SKOR1: variants seen among roughly 807,000 people sequenced by gnomAD.
SKOR1 encodes LBX1 corepressor 1.
In SKOR1, 38 loss-of-function variants were observed where a neutral mutation model predicts 72.4. The observed-to-expected ratio is 0.52, with a 90% CI of 0.40 to 0.69. SKOR1 has a LOEUF of 0.69. SKOR1 is among the 30% of genes least tolerant of loss of function. The pLI is 0.00. For synonymous variants in SKOR1, 642 were observed against 599.4 expected, an observed-to-expected ratio of 1.07 and a Z score of -1.04; for missense variants, 1,320 against 1,343.2, an observed-to-expected ratio of 0.98 and a Z score of 0.27.
In SKOR1 at chr15:67,826,697, C is replaced by T. The variant is rs2090961039; in HGVS notation, c.869C>T (p.Ala290Val). The T allele has an allele frequency of 1.3e-6, 2 of 1,564,098 alleles. No individual in the cohort carries two copies. Among genetic ancestry groups the T allele is most frequent in the Admixed American group, 1.9e-5 (1 of 53,446 alleles). The change falls in exon 2 of 9, where the codon GCC becomes GTC. Residue 290 changes from alanine to valine, a missense_variant. This residue lies in a region of SKOR1 where 1,099 missense variants were observed against 1,025.5 expected (regional missense o/e 1.07). Transcript: ENST00000380035. ...FSLQGGGGGG[A>V]NGGSGGQGKG... The stretch of plus-strand genomic sequence containing the variant: ...CTACAAGGAGGCGGCGGAGGCGGTG[C>T]CAATGGCGGGTCGGGTGGGCAGGGG...
chr15:67,831,656 T>C (rs1430702114), intron 5 of SKOR1, among the ~76,000 whole-genome samples: 1 of 152,084 alleles, frequency 6.6e-6, no homozygotes, highest in Non-Finnish European at 1.5e-5. Flanking sequence ...CCATAGATGG[T>C]CTTGGGAATT....
chr15:67,826,820 A>T lies in SKOR1; in HGVS notation c.992A>T (p.Asp331Val). The change falls in exon 2 of 9, where the codon GAT (aspartate) becomes GTT (valine). Residue 331 changes from aspartate (D) to valine (V), a missense_variant. By Grantham distance (152) the Asp-to-Val change is radical (BLOSUM62 -3). Around this residue, in one of 3 missense-constraint regions of SKOR1, gnomAD observed 1,099 missense variants for 1,025.5 expected, o/e 1.07. Transcript: ENST00000380035. ...CACAAAAGCCTGCGCTGTGGCGAAG[A>T]TGAGGCTGCCGGGCCTCCGGGGCCA... Reference protein sequence around the residue: ...PPHKSLRCGEDEAAGPPGPPP... With the variant: ...PPHKSLRCGEVEAAGPPGPPP... The T allele has an allele frequency of 1.3e-6, 2 of 1,527,118 alleles. No individual in the cohort carries two copies. The highest frequency in any genetic ancestry group is 2.4e-5 in the South Asian group (2 of 83,564). The allele number at this position is 1,527,118 out of a possible 1,614,324, so 94.6% of individuals were successfully genotyped here. A position where few individuals can be genotyped will look rare whatever the true frequency, so the allele number is the denominator to read the frequency against.
chr15:67,830,698 C>T (rs2141368964), intron 4 of SKOR1, 120 bp from the exon 5 acceptor site: 1 of 918,742 alleles, frequency 1.1e-6, no homozygotes, highest in South Asian at 1.4e-5. Flanking sequence ...TAACTGTCTC[C>T]TCTAAAGGCA....
chr15:67,826,897 C>T lies in SKOR1; in HGVS notation c.1069C>T (p.Pro357Ser). 6.5e-7 allele frequency: 1 copy of T among 1,550,264 alleles called. No individual in the cohort carries two copies. Among genetic ancestry groups the T allele is most frequent in the South Asian group, 1.2e-5 (1 of 85,492 alleles). ...TGGCCTGGCGACTGGAGCTAGTGGC[C>T]CGGCGGGCCCAGGAGGGCCCGGTGG... ...GLGLATGASGPAGPGGPGGGA... is the reference protein window; with the variant it reads ...GLGLATGASGSAGPGGPGGGA... The change falls in exon 2 of 9, where the codon CCG (proline) becomes TCG (serine). Residue 357 changes from proline to serine, a missense_variant. Pro to Ser is a moderately conservative substitution (Grantham distance 74, BLOSUM62 -1). Transcript: ENST00000380035.
rs1340742794 is a variant in SKOR1 at position 67,827,425 on chromosome 15, C to T, written c.1597C>T (p.Pro533Ser). Residue 533 changes from proline (P) to serine (S), a missense_variant, in exon 2 of 9, where the codon CCA becomes TCA. Around this residue, in one of 3 missense-constraint regions of SKOR1, gnomAD observed 1,099 missense variants for 1,025.5 expected, o/e 1.07. Coordinates refer to ENST00000380035, the MANE Select transcript of SKOR1 (RefSeq NM_001365915.1). ...AGCGGCAGCTGCTGGCAGCGGTGCCCCAGAGCCCCTGGACGGTGCCGAGCC... is the reference window on the plus strand; with the variant it reads ...AGCGGCAGCTGCTGGCAGCGGTGCCTCAGAGCCCCTGGACGGTGCCGAGCC... Reference protein sequence around the residue: ...AAAAAAGSGAPEPLDGAEPAK... With the variant: ...AAAAAAGSGASEPLDGAEPAK... 1 of 1,523,770 alleles carries T rather than the reference C, an allele frequency of 6.6e-7. No individual in the cohort carries two copies. Among genetic ancestry groups the T allele is most frequent in the Admixed American group, 2.0e-5 (1 of 49,732 alleles). The allele number at this position is 1,523,770 out of a possible 1,614,324, so 94.4% of individuals were successfully genotyped here.
rs2090989507 is a variant in SKOR1 at position 67,829,223 on chromosome 15, G to A, written c.2361G>A (p.Val787=). The stretch of plus-strand genomic sequence containing the variant: ...ATGAGCACGTGAAGAGCGCGGCGGT[G>A]GCGCTGGGGCCCGCGGCCTCCTACG... ...ERDEHVKSAA[V]ALGPAASYVC... is the part of the protein sequence containing the mutation. The change falls in exon 3 of 9, where the codon GTG becomes GTA. Residue 787 remains valine (V), a synonymous_variant. Coordinates refer to ENST00000380035, the MANE Select transcript of SKOR1 (RefSeq NM_001365915.1). 2 of 1,575,100 alleles carry A rather than the reference G, an allele frequency of 1.3e-6. No homozygotes were observed. The highest frequency in any genetic ancestry group is 1.7e-6 in the Non-Finnish European group (2 of 1,168,122).
At chr15:67,828,321 C>A (rs1034628856) in intron 2 of SKOR1, among the ~76,000 whole-genome samples, 177 bp downstream of exon 2, 12 of 152,206 alleles carry the variant, frequency 7.9e-5, no homozygotes, top group Non-Finnish European at 1.3e-4. Context: ...CCACCCGCAC[C>A]CTCCAGTGAG....
In SKOR1 at chr15:67,832,434, G is replaced by T; in HGVS notation, c.2662+86G>T. 6.8e-7 allele frequency: 1 copy of T among 1,475,424 alleles called. No homozygotes were observed. The allele number at this position is 1,475,424 out of a possible 1,614,324, so 91.4% of individuals were successfully genotyped here. Reference sequence around the variant, plus strand: ...GACCTACTCCGAAAGCCGGGTGCCAGGCAACTGGTACTAGGTGCCCTGCAG... The same window carrying T: ...GACCTACTCCGAAAGCCGGGTGCCATGCAACTGGTACTAGGTGCCCTGCAG... On this transcript the variant is annotated intron_variant, in intron 6 of 8. Transcript: ENST00000380035. The surrounding 1 kb of genome is among the most constrained non-coding windows in gnomAD (Gnocchi z 4.5).
chr15:67,827,998 G>C lies in SKOR1; in HGVS notation c.2170G>C (p.Gly724Arg), dbSNP rs1316110680. 6 of 1,538,980 alleles carry C rather than the reference G, an allele frequency of 3.9e-6. No individual in the cohort carries two copies. Among genetic ancestry groups the C allele is most frequent in the Admixed American group, 2.0e-5 (1 of 49,722 alleles). ...CAGCCCCCGCCCCCGGCGCCGCCTC[G>C]GGCCACCCCCAGCTGGCCGGCCCGC... ...GGSPRPRRRLGPPPAGRPAFG... is the reference protein window; with the variant it reads ...GGSPRPRRRLRPPPAGRPAFG... Residue 724 changes from glycine to arginine, a missense_variant, in exon 2 of 9, where the codon GGG becomes CGG. Physicochemically the swap from Gly to Arg is moderately radical, Grantham distance 125 (BLOSUM62 -2). This residue lies in a region of SKOR1 where 1,099 missense variants were observed against 1,025.5 expected (regional missense o/e 1.07). Coordinates refer to ENST00000380035, the MANE Select transcript of SKOR1 (RefSeq NM_001365915.1).
rs745376967 is a variant in SKOR1 at position 67,833,845 on chromosome 15, T to A, written c.*9T>A. 18 of 1,607,076 alleles carry A rather than the reference T, an allele frequency of 1.1e-5. No homozygotes were observed. The highest frequency in any genetic ancestry group is 1.5e-5 in the Non-Finnish European group (18 of 1,179,558). On this transcript the variant is annotated 3_prime_UTR_variant, in exon 9 of 9. Coordinates refer to ENST00000380035, the MANE Select transcript of SKOR1 (RefSeq NM_001365915.1). This position sits in a 1 kb window ranked among gnomAD's most constrained non-coding sequence, Gnocchi z 6.0. ...CACCGCTGTTGCCCTAGGGCCGGCCTGGCCGCACCCCTGCGCCCTCAAGCC... is the reference window on the plus strand; with the variant it reads ...CACCGCTGTTGCCCTAGGGCCGGCCAGGCCGCACCCCTGCGCCCTCAAGCC...
chr15:67,833,249 A>C lies in SKOR1; in HGVS notation c.2795A>C (p.Lys932Thr), dbSNP rs1167022119. ...ERKARYAIQQ[K>T]LKEAHDALHH... ...AAGGCGCGCTATGCCATCCAGCAGA[A>C]ATTGAAAGGTGCGGAAGCCGGGAAA... is the stretch of plus-strand genomic sequence containing the variant. The change falls in exon 8 of 9, where the codon AAA (lysine) becomes ACA (threonine). Residue 932 changes from lysine to threonine, a missense_variant. Physicochemically the swap from Lys to Thr is moderately conservative, Grantham distance 78. Coordinates refer to ENST00000380035, the MANE Select transcript of SKOR1 (RefSeq NM_001365915.1). The surrounding 1 kb of genome is among the most constrained non-coding windows in gnomAD (Gnocchi z 6.0). The C allele has an allele frequency of 1.2e-6, 2 of 1,614,116 alleles. No homozygotes were observed. The highest frequency in any genetic ancestry group is 1.7e-6 in the Non-Finnish European group (2 of 1,180,008).
chr15:67,830,735 G>A (rs897465979), intron 4 of SKOR1, 83 bp from the exon 5 acceptor site: 4 of 1,332,950 alleles, frequency 3.0e-6, no homozygotes, highest in Non-Finnish European at 4.3e-6. Flanking sequence ...TCCCTGATTC[G>A]ATGTGGTTCC....
intron 5 of SKOR1, among the ~76,000 whole-genome samples, chr15:67,831,612 G>T (rs2091008077): frequency 6.6e-6 from 1 of 152,118 alleles, no homozygotes; most frequent in South Asian, 2.1e-4. Context: ...ACTAACAGAG[G>T]CCTCTACACC....
Position 67,833,147 on chromosome 15 carries a change from A to T in SKOR1, c.2738-45A>T, listed in dbSNP as rs551877635. The T allele has an allele frequency of 5.0e-6, 8 of 1,608,496 alleles. No homozygotes were observed. The highest frequency in any genetic ancestry group is 1.7e-5 in the Admixed American group (1 of 59,912). ...CCGGGCTGTGACCCCGGCCTTTCGG[A>T]GGGTGGTCTGCGTTTCCTCACTGGC... On this transcript the variant is annotated intron_variant, in intron 7 of 8. Coordinates refer to ENST00000380035, the MANE Select transcript of SKOR1 (RefSeq NM_001365915.1). The surrounding 1 kb of genome is among the most constrained non-coding windows in gnomAD (Gnocchi z 6.0).
Position 67,826,406 on chromosome 15 carries a change from G to A in SKOR1, c.578G>A (p.Gly193Asp). Reference protein sequence around the residue: ...VVHECAWGSRGSFIPARYNSS... With the variant: ...VVHECAWGSRDSFIPARYNSS... Reference sequence around the variant, plus strand: ...CACGAGTGCGCGTGGGGCTCGCGTGGTAGCTTCATCCCTGCGCGTTACAAC... The same window carrying A: ...CACGAGTGCGCGTGGGGCTCGCGTGATAGCTTCATCCCTGCGCGTTACAAC... Residue 193 changes from glycine to aspartate, a missense_variant, in exon 2 of 9, where the codon GGT becomes GAT. Physicochemically the swap from Gly to Asp is moderately conservative, Grantham distance 94 (BLOSUM62 -1). Around this residue, in one of 3 missense-constraint regions of SKOR1, gnomAD observed 101 missense variants for 212.8 expected, o/e 0.47. Coordinates refer to ENST00000380035, the MANE Select transcript of SKOR1 (RefSeq NM_001365915.1). 6.2e-7 allele frequency: 1 copy of A among 1,613,982 alleles called. No homozygotes were observed. Among genetic ancestry groups the A allele is most frequent in the Non-Finnish European group, 8.5e-7 (1 of 1,180,026 alleles).
Position 67,827,538 on chromosome 15 carries a change from G to T in SKOR1, c.1710G>T (p.Ala570=). 2.0e-6 allele frequency: 3 copies of T among 1,520,984 alleles called. No homozygotes were observed. Among genetic ancestry groups the T allele is most frequent in the Non-Finnish European group, 2.6e-6 (3 of 1,141,278 alleles). The allele number at this position is 1,520,984 out of a possible 1,614,324, so 94.2% of individuals were successfully genotyped here. A position where few individuals can be genotyped will look rare whatever the true frequency, so the allele number is the denominator to read the frequency against. ...TGGACGAAGACGGCACGGACGAGGCGCTGCCACCGCCCCTGGCCCCGTTGC... is the reference window on the plus strand; with the variant it reads ...TGGACGAAGACGGCACGGACGAGGCTCTGCCACCGCCCCTGGCCCCGTTGC... ...GPLDEDGTDE[A]LPPPLAPLPP... The change falls in exon 2 of 9, where the codon GCG becomes GCT. Residue 570 remains alanine, a synonymous_variant. Coordinates refer to ENST00000380035, the MANE Select transcript of SKOR1 (RefSeq NM_001365915.1).
Position 67,832,135 on chromosome 15 carries a change from A to G in SKOR1, c.2588-139A>G. 2 of 739,868 alleles carry G rather than the reference A, an allele frequency of 2.7e-6. No homozygotes were observed. Among genetic ancestry groups the G allele is most frequent in the Middle Eastern group, 2.4e-4 (1 of 4,136 alleles). The allele number at this position is 739,868 out of a possible 1,614,324, so 45.8% of individuals were successfully genotyped here. A position where few individuals can be genotyped will look rare whatever the true frequency, so the allele number is the denominator to read the frequency against. On this transcript the variant is annotated intron_variant, in intron 5 of 8. Transcript: ENST00000380035. The surrounding 1 kb of genome is among the most constrained non-coding windows in gnomAD (Gnocchi z 4.5). The stretch of plus-strand genomic sequence containing the variant: ...CCAAATCCTTTGAATGCAGTTGGTA[A>G]AGCCAGAGAGCGGAGGGCCTCCACC...
At position 67,833,293 on chromosome 15, in the gene SKOR1, T is replaced by C; in HGVS notation, c.2803+36T>C. ...CGGGAAACAAAGATAGGAGGGGTGC[T>C]GGGTGCCGGCCGTGCTGTCGACTGA... On this transcript the variant is annotated intron_variant, in intron 8 of 8. Transcript: ENST00000380035. This position sits in a 1 kb window ranked among gnomAD's most constrained non-coding sequence, Gnocchi z 6.0. 6.2e-7 allele frequency: 1 copy of C among 1,609,498 alleles called. No individual in the cohort carries two copies. The highest frequency in any genetic ancestry group is 8.5e-7 in the Non-Finnish European group (1 of 1,176,188).
rs1368292555 is a variant in SKOR1 at position 67,826,028 on chromosome 15, C to T, written c.200C>T (p.Ser67Leu). The T allele has an allele frequency of 1.9e-6, 3 of 1,565,926 alleles. No homozygotes were observed. The highest frequency in any genetic ancestry group is 1.2e-5 in the South Asian group (1 of 85,338). The change falls in exon 2 of 9, where the codon TCG becomes TTG. Residue 67 changes from serine (S) to leucine (L), a missense_variant. Ser to Leu is a moderately radical substitution (Grantham distance 145, BLOSUM62 -2). Coordinates refer to ENST00000380035, the MANE Select transcript of SKOR1 (RefSeq NM_001365915.1). ...PNSKQELQPY[S>L]GSSALKPNQV... is the part of the protein sequence containing the mutation. ...TCCAAGCAGGAGCTGCAGCCGTACT[C>T]GGGCTCCAGCGCTCTCAAACCCAAC...
Sources: allele counts gnomAD v4.1 joint callset (sites outside exome capture counted in the v4.1 genomes callset), GRCh38; gene constraint gnomAD v4.1.1; regional missense constraint gnomAD v4.1.1; non-coding constraint Gnocchi (gnomAD v3.1); transcripts MANE v1.5; gene names NCBI Gene and HGNC (gene_info 2026-07-23, HGNC 2026-07-21).